BTLA: variants seen among roughly 807,000 people sequenced by gnomAD.
The protein encoded by BTLA is B- and T-lymphocyte attenuator.
BTLA carries 11 observed loss-of-function variants against 25.0 expected under a neutral mutation model. That is an observed-to-expected ratio of 0.44 (90% confidence interval 0.28 to 0.73). The LOEUF (loss-of-function observed/expected upper bound fraction) is 0.73. Among genes scored for constraint, BTLA ranks in the 30% least tolerant of loss-of-function variants. The probability of loss-of-function intolerance (pLI) is 0.15; values close to 1 mark genes in which losing one functional copy is unlikely to be tolerated. For missense variants in BTLA, 282 were observed against 332.8 expected (o/e 0.85, Z 1.19); for synonymous variants, 104 against 119.8 (o/e 0.87, Z 0.86).
chr3:112,469,627 A>ACATAGAATATG, intron 4 of BTLA, 131 bp downstream of exon 4: 9 of 33,934 alleles, frequency 2.7e-4, no homozygotes, highest in Non-Finnish European at 5.5e-4. Flanking sequence ...ATATATATAT[A>ACATAGAATATG]TATATATATA....
chr3:112,486,117 A>G (rs2082346277), intron 1 of BTLA, among the ~76,000 whole-genome samples: 1 of 152,224 alleles, frequency 6.6e-6, no homozygotes, highest in Non-Finnish European at 1.5e-5. Flanking sequence ...AGTCCATCTC[A>G]AAAAACAAAC....
intron 1 of BTLA, among the ~76,000 whole-genome samples, chr3:112,489,271 C>G (rs771440872): frequency 6.6e-6 from 1 of 152,094 alleles, no homozygotes; most frequent in African/African-American, 2.4e-5. Flanking sequence ...CCACAAACAA[C>G]TGTATAGTCT....
intron 1 of BTLA, among the ~76,000 whole-genome samples, chr3:112,487,458 G>A (rs1414883364): frequency 2.6e-5 from 4 of 152,120 alleles, no homozygotes; most frequent in Non-Finnish European, 5.9e-5. Flanking sequence ...GGTGGCGCAT[G>A]CCTGTAATCC....
intron 4 of BTLA, among the ~76,000 whole-genome samples, chr3:112,467,258 C>T (rs2082235100): frequency 6.6e-6 from 1 of 152,168 alleles, no homozygotes; most frequent in South Asian, 2.1e-4. Context: ...CCACTCCCGG[C>T]AAGAAAATTC....
chr3:112,488,924 T>G (rs1167707672), intron 1 of BTLA, among the ~76,000 whole-genome samples: 2 of 152,110 alleles, frequency 1.3e-5, no homozygotes, highest in African/African-American at 4.8e-5. Flanking sequence ...CATGCATCAC[T>G]CTTTATAACT....
At chr3:112,485,343 C>T (rs931767424) in intron 1 of BTLA, among the ~76,000 whole-genome samples, 3 of 152,092 alleles carry the variant, frequency 2.0e-5, no homozygotes, top group South Asian at 2.1e-4. Context: ...CCGGCCTGGC[C>T]GACAAATAGC....
intron 1 of BTLA, among the ~76,000 whole-genome samples, chr3:112,486,626 T>C (rs1403303546): frequency 6.6e-6 from 1 of 152,214 alleles, no homozygotes; most frequent in African/African-American, 2.4e-5. Context: ...GTATTAAAAC[T>C]GAAATTCTGC....
At chr3:112,495,986 C>T (rs999136230) in intron 1 of BTLA, among the ~76,000 whole-genome samples, 1 of 152,226 alleles carries the variant, frequency 6.6e-6, no homozygotes, top group East Asian at 1.9e-4. Flanking sequence ...CTTTCCCTTA[C>T]TGAACCAGAC....
At chr3:112,468,168 T>C (rs953233292) in intron 4 of BTLA, among the ~76,000 whole-genome samples, 1 of 152,236 alleles carries the variant, frequency 6.6e-6, no homozygotes, top group Admixed American at 6.5e-5. Flanking sequence ...TTATAGTATA[T>C]GTTTAGATGT....
In BTLA at chr3:112,474,822, G is replaced by A. The variant is rs150342467; in HGVS notation, c.404-3467C>T. ...GGGCAATGATGGAGATGTGGTTATG[G>A]CAAGTAAGGCCGTCAGGCTGCAATT... On this transcript the variant is annotated intron_variant, in intron 2 of 4. Transcript: ENST00000334529. 2.4e-3 allele frequency among the ~76,000 whole-genome samples: 361 copies of A among 152,254 alleles called. 9 individuals carry two copies. In the South Asian group the frequency reaches 0.063, roughly 27 times the overall value.
In BTLA at chr3:112,466,263, CT is replaced by C; in HGVS notation, c.714del (p.Ser240LeufsTer21). ...CATGGATTAGAATAAACTTCAGACC[CT>C]TCCTGCATCCTGAAACAAAGGTCAG... is the stretch of plus-strand genomic sequence containing the variant. ...NDPDLCFRMQ[E>X]GSEVYSNPCL... On this transcript the variant is annotated frameshift_variant, in exon 5 of 5. Coordinates refer to ENST00000334529, the MANE Select transcript of BTLA (RefSeq NM_181780.4). LOFTEE classifies it low-confidence loss of function (END_TRUNC). 6.2e-7 allele frequency: 1 copy of C among 1,614,078 alleles called. No individual in the cohort carries two copies.
chr3:112,498,828 C>G (rs1039118862), intron 1 of BTLA, among the ~76,000 whole-genome samples: 1 of 151,766 alleles, frequency 6.6e-6, no homozygotes, highest in African/African-American at 2.4e-5. Context: ...TGAGGGTAAC[C>G]ATGGAGATAT....
At chr3:112,485,333 C>G (rs565041182) in intron 1 of BTLA, among the ~76,000 whole-genome samples, 1 of 152,292 alleles carries the variant, frequency 6.6e-6, no homozygotes, top group East Asian at 1.9e-4. Flanking sequence ...GAGTGAGCCA[C>G]CGGCCTGGCC....
At chr3:112,494,047 T>C (rs1024782294) in intron 1 of BTLA, among the ~76,000 whole-genome samples, 2 of 152,108 alleles carry the variant, frequency 1.3e-5, no homozygotes, top group Admixed American at 1.3e-4. Flanking sequence ...GAGGCAGAGC[T>C]TGCAGTGAGC....
At chr3:112,489,805 G>T (rs1298700079) in intron 1 of BTLA, among the ~76,000 whole-genome samples, 1 of 152,150 alleles carries the variant, frequency 6.6e-6, no homozygotes, top group Non-Finnish European at 1.5e-5. Flanking sequence ...GGAGCAAAAA[G>T]GCATCCAGAT....
At chr3:112,487,268 G>A (rs1294970056) in intron 1 of BTLA, among the ~76,000 whole-genome samples, 1 of 152,150 alleles carries the variant, frequency 6.6e-6, no homozygotes, top group Non-Finnish European at 1.5e-5. Flanking sequence ...CATTGTTCAT[G>A]TTTGCTAGTA....
At chr3:112,485,697 G>A (rs578189614) in intron 1 of BTLA, among the ~76,000 whole-genome samples, 5 of 152,250 alleles carry the variant, frequency 3.3e-5, no homozygotes, top group African/African-American at 7.2e-5. Context: ...CAAGTAGCCG[G>A]AACCATCAGT....
intron 1 of BTLA, among the ~76,000 whole-genome samples, chr3:112,494,096 C>T (rs769283492): frequency 4.3e-4 from 65 of 151,640 alleles, no homozygotes; most frequent in Non-Finnish European, 8.4e-4. Context: ...GGCGACAGAG[C>T]GACACTCTAT....
chr3:112,470,681 A>G (rs1224611945), intron 3 of BTLA, among the ~76,000 whole-genome samples: 3 of 152,198 alleles, frequency 2.0e-5, no homozygotes, highest in South Asian at 2.1e-4. Flanking sequence ...TTTCATATGC[A>G]TTATTGTTGG....
Sources: gnomAD v4.1 joint callset for allele counts (sites outside exome capture counted in the v4.1 genomes callset) on GRCh38, gnomAD v4.1.1 for gene constraint, MANE v1.5 for transcripts, NCBI Gene and HGNC (gene_info 2026-07-23, HGNC 2026-07-21) for gene names.